KMT2C: variants seen among roughly 807,000 people sequenced by gnomAD.
KMT2C encodes the protein histone-lysine N-methyltransferase 2C.
Under a neutral mutation model 507.9 loss-of-function variants are expected in KMT2C, and 88 were observed. That is an observed-to-expected ratio of 0.17 (90% CI 0.15 to 0.21). The LOEUF (loss-of-function observed/expected upper bound fraction) is 0.21, where lower values mean the gene tolerates loss of function less well. Among genes scored for constraint, KMT2C ranks in the 10% least tolerant of loss-of-function variants. The pLI is 1.00. For synonymous variants in KMT2C, 2,049 were observed against 2,080.8 expected, an observed-to-expected ratio of 0.98 and a Z score of 0.42; for missense variants, 4,954 against 5,957.8, an observed-to-expected ratio of 0.83 and a Z score of 5.55.
At chr7:152,180,604 A>AT in intron 36 of KMT2C, 107 bp downstream of exon 36, 1 of 851,686 alleles carries the variant, frequency 1.2e-6, no homozygotes. Context: ...ACTCTACAGA[A>AT]TAAAAAAAAT....
intron 23 of KMT2C, among the ~76,000 whole-genome samples, chr7:152,219,161 G>C (rs1313302306): frequency 6.6e-6 from 1 of 151,944 alleles, no homozygotes; most frequent in African/African-American, 2.4e-5. Context: ...GCAGAGAATG[G>C]GTTTCACCAT....
intron 23 of KMT2C, among the ~76,000 whole-genome samples, chr7:152,215,723 TAC>T (rs138045665): frequency 0.035 from 4,705 of 134,892 alleles, 357 homozygotes; most frequent in African/African-American, 0.11. Flanking sequence ...TATATATATA[TAC>T]ACACACACAC....
Position 152,266,241 on chromosome 7 carries a change from CT to C in KMT2C, c.1013-1033del, listed in dbSNP as rs56898970. ...AACAAGTATCACAAAGTATATGAAC[CT>C]TTTTTTTTTCCTTTTTTTTTGAGAC... On this transcript the variant is annotated intron_variant, in intron 7 of 58. Transcript: ENST00000262189. 8.2e-4 allele frequency among the ~76,000 whole-genome samples: 121 copies of C among 147,352 alleles called. 1 individual carries two copies. The highest frequency in any genetic ancestry group is 2.3e-3 in the Admixed American group (34 of 14,728).
chr7:152,382,247 TCA>T (rs1212944178), intron 1 of KMT2C, among the ~76,000 whole-genome samples: 2 of 152,128 alleles, frequency 1.3e-5, no homozygotes, highest in African/African-American at 4.8e-5. Flanking sequence ...CGCATTCAAC[TCA>T]GAATAACAGT....
intron 6 of KMT2C, among the ~76,000 whole-genome samples, chr7:152,282,965 T>A (rs1220911677): frequency 1.7e-4 from 26 of 152,148 alleles, no homozygotes; most frequent in Non-Finnish European, 2.9e-5. Context: ...AAATTCTATA[T>A]CAAGGTTAGT....
chr7:152,359,856 C>T (rs1340746118), intron 1 of KMT2C, among the ~76,000 whole-genome samples: 2 of 151,760 alleles, frequency 1.3e-5, no homozygotes, highest in Admixed American at 6.6e-5. Flanking sequence ...CACGAACAGC[C>T]TGGCCAACAT....
rs1374920378 is a variant in KMT2C, at chr7:152,435,861, G to GCCT, written c.-76_-75insAGG. 4 of 1,384,762 alleles carry GCCT rather than the reference G, an allele frequency of 2.9e-6. No homozygotes were observed. Among genetic ancestry groups the GCCT allele is most frequent in the Non-Finnish European group, 3.8e-6 (4 of 1,064,512 alleles). 85.8% of individuals were successfully genotyped at this position (1,384,762 alleles called of 1,614,324 possible). A position where few individuals can be genotyped will look rare whatever the true frequency, so the allele number is the denominator to read the frequency against. On this transcript the variant is annotated 5_prime_UTR_variant, in exon 1 of 59. Coordinates refer to ENST00000262189, the MANE Select transcript of KMT2C (RefSeq NM_170606.3). ...TCCCGCCGCCGCGGCCGCCGCCGCC[G>GCCT]CCGCTGCTGCTCGGGTTCCTCCTCC...
At chr7:152,291,631 T>C (rs2096429018) in intron 6 of KMT2C, among the ~76,000 whole-genome samples, 1 of 152,270 alleles carries the variant, frequency 6.6e-6, no homozygotes, top group African/African-American at 2.4e-5. Flanking sequence ...ACATAGACTA[T>C]GCATAAACAC....
intron 31 of KMT2C, 64 bp from the exon 32 acceptor site, chr7:152,187,911 C>T: frequency 6.5e-7 from 1 of 1,537,598 alleles, no homozygotes. Context: ...TGAAGTAAAG[C>T]TGGCCCTTGA....
chr7:152,244,292 T>C (rs1434489128), intron 14 of KMT2C, among the ~76,000 whole-genome samples: 1 of 152,184 alleles, frequency 6.6e-6, no homozygotes, highest in Non-Finnish European at 1.5e-5. Context: ...ATTAGCTTGA[T>C]GTTCTAAAAT....
At position 152,177,557 on chromosome 7, in the gene KMT2C, T is replaced by C. The variant is rs2129115000; in HGVS notation, c.7896A>G (p.Gln2632=). Residue 2632 remains glutamine (Q), a synonymous_variant, in exon 38 of 59, where the codon CAA becomes CAG. Coordinates refer to ENST00000262189, the MANE Select transcript of KMT2C (RefSeq NM_170606.3). ...AATGGACAGAATGACCTTGCTCTTG[T>C]TGAGATGGTGGCACTTGTTCCAAAT... ...HPDLEQVPPS[Q]QEQGHSVHSS... The C allele has an allele frequency of 1.2e-6, 2 of 1,614,202 alleles. No homozygotes were observed. Among genetic ancestry groups the C allele is most frequent in the Non-Finnish European group, 8.5e-7 (1 of 1,180,044 alleles).
At position 152,319,239 on chromosome 7, in the gene KMT2C, T is replaced by C. The variant is rs886670033; in HGVS notation, c.390-3901A>G. On this transcript the variant is annotated intron_variant, in intron 3 of 58. Transcript: ENST00000262189. ...AACAAAATATATAAAATAAGAATAG[T>C]TATATAGATCATAGATATGATTATA... 4.6e-5 allele frequency among the ~76,000 whole-genome samples: 7 copies of C among 152,298 alleles called. No homozygotes were observed. In the East Asian group the frequency reaches 1.2e-3, roughly 25 times the overall value.
chr7:152,229,812 C>T (rs544702458), intron 18 of KMT2C, 111 bp downstream of exon 18: 8 of 590,038 alleles, frequency 1.4e-5, no homozygotes, highest in African/African-American at 1.1e-4. Flanking sequence ...AATACTGTCA[C>T]ATATGTTTAA....
intron 23 of KMT2C, among the ~76,000 whole-genome samples, chr7:152,214,412 A>T (rs902253527): frequency 2.0e-5 from 3 of 151,510 alleles, no homozygotes; most frequent in Non-Finnish European, 4.4e-5. Flanking sequence ...GTCCTCCCTT[A>T]ATGTCATCAA....
intron 41 of KMT2C, 39 bp from the exon 42 acceptor site, chr7:152,167,417 A>C: frequency 7.3e-7 from 1 of 1,363,986 alleles, no homozygotes. Flanking sequence ...TAATTTTCTA[A>C]AGAGTCCAAC....
chr7:152,270,351 G>C (rs2095939760), intron 7 of KMT2C, among the ~76,000 whole-genome samples: 1 of 152,192 alleles, frequency 6.6e-6, no homozygotes, highest in African/African-American at 2.4e-5. Flanking sequence ...GAAGTAAAAG[G>C]AATTAAAGCT....
At chr7:152,183,804 G>A (rs537643796) in intron 34 of KMT2C, among the ~76,000 whole-genome samples, 4 of 152,296 alleles carry the variant, frequency 2.6e-5, no homozygotes, top group African/African-American at 9.6e-5. Flanking sequence ...GCTGAGGCAG[G>A]AGAATCACTT....
At chr7:152,399,953 G>C (rs1472704266) in intron 1 of KMT2C, among the ~76,000 whole-genome samples, 2 of 151,978 alleles carry the variant, frequency 1.3e-5, no homozygotes, top group South Asian at 2.1e-4. Context: ...AAAAATATTG[G>C]GGAGGATTAA....
intron 37 of KMT2C, 85 bp downstream of exon 37, chr7:152,179,749 G>C: frequency 1.5e-6 from 2 of 1,294,662 alleles, no homozygotes; most frequent in Non-Finnish European, 2.2e-6. Context: ...CTAGTAGCTA[G>C]GATTACAGGC....
Sources: allele counts gnomAD v4.1 joint callset (sites outside exome capture counted in the v4.1 genomes callset), GRCh38; gene constraint gnomAD v4.1.1; transcripts MANE v1.5; gene names NCBI Gene and HGNC (gene_info 2026-07-23, HGNC 2026-07-21).